PTPRD: variants seen among roughly 807,000 people sequenced by gnomAD.
PTPRD encodes receptor-type tyrosine-protein phosphatase delta.
A neutral mutation model predicts 214.5 loss-of-function variants in PTPRD; 34 were observed. The ratio of observed to expected loss-of-function variants is 0.16; its 90% CI spans 0.12 to 0.21. The LOEUF (loss-of-function observed/expected upper bound fraction) is 0.21, where lower values mean the gene tolerates loss of function less well. Ranked by LOEUF, PTPRD falls within the 10% of genes least tolerant of loss-of-function variation. The pLI is 1.00. For missense variants in PTPRD, 2,545 were observed against 2,398.7 expected, an observed-to-expected ratio of 1.06 and a Z score of -1.27; for synonymous variants, 1,128 against 845.7, an observed-to-expected ratio of 1.33 and a Z score of -5.79.
intron 11 of PTPRD, among the ~76,000 whole-genome samples, chr9:8,904,982 G>A (rs2098697506): frequency 6.6e-6 from 1 of 152,146 alleles, no homozygotes; most frequent in Non-Finnish European, 1.5e-5. Flanking sequence ...TTGAAACTTG[G>A]CAAGATTGTA....
intron 31 of PTPRD, among the ~76,000 whole-genome samples, chr9:8,467,307 G>T (rs1659427731): frequency 6.6e-6 from 1 of 151,778 alleles, no homozygotes; most frequent in Non-Finnish European, 1.5e-5. Context: ...AAAACACAAG[G>T]CCAGAAAGGT....
intron 10 of PTPRD, among the ~76,000 whole-genome samples, chr9:9,179,575 A>T (rs1483505449): frequency 1.3e-5 from 2 of 152,136 alleles, no homozygotes; most frequent in Non-Finnish European, 2.9e-5. Context: ...TCAGCCATTG[A>T]TTAAGCATCT....
intron 2 of PTPRD, among the ~76,000 whole-genome samples, chr9:10,577,619 G>T (rs991176618): frequency 6.6e-6 from 1 of 152,118 alleles, no homozygotes; most frequent in South Asian, 2.1e-4. Flanking sequence ...ATTGTTTTAT[G>T]CAACTGTCTG....
At chr9:9,624,597 T>G (rs1831033) in intron 7 of PTPRD, among the ~76,000 whole-genome samples, 47,030 of 151,940 alleles carry the variant, frequency 0.31, 7,799 homozygotes, top group Middle Eastern at 0.41. Flanking sequence ...CGTATTTTGG[T>G]AGCTGTTGTT....
intron 11 of PTPRD, among the ~76,000 whole-genome samples, chr9:8,757,952 C>G (rs2094137942): frequency 6.6e-6 from 1 of 152,152 alleles, no homozygotes; most frequent in Non-Finnish European, 1.5e-5. Flanking sequence ...CAGAAGCAGA[C>G]TGGTGGTTGG....
intron 8 of PTPRD, among the ~76,000 whole-genome samples, chr9:9,398,772 G>A (rs1316361470): frequency 2.6e-5 from 4 of 151,952 alleles, no homozygotes; most frequent in African/African-American, 7.2e-5. Flanking sequence ...TAAAAAGTTA[G>A]TGTTTTGAGG....
intron 12 of PTPRD, among the ~76,000 whole-genome samples, chr9:8,718,873 G>A (rs1050072372): frequency 1.3e-5 from 2 of 152,224 alleles, no homozygotes; most frequent in South Asian, 2.1e-4. Flanking sequence ...TGTTATTTCC[G>A]AGCGTTTGCT....
intron 9 of PTPRD, among the ~76,000 whole-genome samples, chr9:9,385,507 T>C (rs10816109): frequency 0.23 from 35,602 of 152,032 alleles, 4,251 homozygotes; most frequent in Middle Eastern, 0.37. Context: ...TCCTTTCATA[T>C]ATATTTTCAG....
chr9:10,196,425 C>T (rs1447803309), intron 3 of PTPRD, among the ~76,000 whole-genome samples: 1 of 152,144 alleles, frequency 6.6e-6, no homozygotes, highest in Non-Finnish European at 1.5e-5. Flanking sequence ...ACTACCATGA[C>T]TCTTAAATTA....
At chr9:8,624,834 T>C (rs576890157) in intron 14 of PTPRD, among the ~76,000 whole-genome samples, 3 of 152,010 alleles carry the variant, frequency 2.0e-5, no homozygotes, top group East Asian at 1.9e-4. Context: ...TGTAGTTCTC[T>C]TTCCCTTTGC....
At chr9:9,423,580 T>C (rs1237113344) in intron 8 of PTPRD, among the ~76,000 whole-genome samples, 2 of 152,184 alleles carry the variant, frequency 1.3e-5, no homozygotes, top group Non-Finnish European at 2.9e-5. Context: ...AACATACTCA[T>C]AAGTGATACA....
At chr9:10,264,202 T>C (rs1188332152) in intron 3 of PTPRD, among the ~76,000 whole-genome samples, 5 of 152,150 alleles carry the variant, frequency 3.3e-5, no homozygotes, top group African/African-American at 9.7e-5. Context: ...AGCCCCCACA[T>C]AGAGTCCCCA....
intron 9 of PTPRD, among the ~76,000 whole-genome samples, chr9:9,324,104 G>C (rs1009407466): frequency 6.6e-6 from 1 of 152,150 alleles, no homozygotes; most frequent in Non-Finnish European, 1.5e-5. Flanking sequence ...GGACATTTGG[G>C]TTGGTTCCAA....
chr9:9,196,119 T>A (rs995579433), intron 9 of PTPRD, among the ~76,000 whole-genome samples: 4 of 152,150 alleles, frequency 2.6e-5, no homozygotes, highest in African/African-American at 9.7e-5. Flanking sequence ...TTCAATGTTC[T>A]CATATGAAAG....
At chr9:9,482,688 A>C (rs2095469590) in intron 8 of PTPRD, among the ~76,000 whole-genome samples, 1 of 152,204 alleles carries the variant, frequency 6.6e-6, no homozygotes, top group Non-Finnish European at 1.5e-5. Flanking sequence ...GCACAACTTA[A>C]ATAGCACATT....
At chr9:8,409,193 C>G (rs2093314418) in intron 35 of PTPRD, among the ~76,000 whole-genome samples, 1 of 152,026 alleles carries the variant, frequency 6.6e-6, no homozygotes, top group South Asian at 2.1e-4. Context: ...TCACAAAGAC[C>G]CTAGAAGTAG....
At chr9:8,524,297 A>G (rs554901891) in intron 18 of PTPRD, among the ~76,000 whole-genome samples, 1 of 152,198 alleles carries the variant, frequency 6.6e-6, no homozygotes, top group African/African-American at 2.4e-5. Flanking sequence ...AAAAAACTAA[A>G]TGTTTCGGTA....
intron 2 of PTPRD, among the ~76,000 whole-genome samples, chr9:10,439,146 C>A (rs775924771): frequency 6.6e-6 from 1 of 151,844 alleles, no homozygotes; most frequent in Non-Finnish European, 1.5e-5. Context: ...ATGTTTTAAG[C>A]CATTTAGTCT....
rs2095784782 is a variant in PTPRD at position 10,299,094 on chromosome 9, C to T, written c.-545+41869G>A. Among the ~76,000 whole-genome samples, 3 of 152,136 alleles carry T rather than the reference C, an allele frequency of 2.0e-5. No homozygotes were observed. The South Asian group carries it at 6.2e-4, about 32-fold the overall frequency. ...TAAATGTTCAATTAAGTGTTGGTCA[C>T]TAACTTTTCTGGGATTACTATTTTA... On this transcript the variant is annotated intron_variant, in intron 3 of 45. Coordinates refer to ENST00000381196, the MANE Select transcript of PTPRD (RefSeq NM_002839.4).
Sources: gnomAD v4.1 joint callset for allele counts (sites outside exome capture counted in the v4.1 genomes callset) on GRCh38, gnomAD v4.1.1 for gene constraint, MANE v1.5 for transcripts, NCBI Gene and HGNC (gene_info 2026-07-23, HGNC 2026-07-21) for gene names.